The following SLC1A1 variants were observed in gnomAD, a reference collection of about 807,000 sequenced individuals.
SLC1A1 encodes solute carrier family 1 member 1, also known as excitatory amino acid transporter 3.
Under a neutral mutation model 53.3 loss-of-function variants are expected in SLC1A1, and 43 were observed. The observed-to-expected ratio is 0.81, with a 90% CI of 0.63 to 1.04. The LOEUF is 1.04. Among genes scored for constraint, SLC1A1 ranks in the 50% least tolerant of loss-of-function variants. The pLI, the probability that SLC1A1 is intolerant of heterozygous loss-of-function variation, is 0.00. For missense variants in SLC1A1, 748 were observed against 664.9 expected (o/e 1.12, Z -1.37); for synonymous variants, 307 against 243.2 (o/e 1.26, Z -2.44).
At chr9:4,531,829 AC>A (rs1387145346) in intron 1 of SLC1A1, among the ~76,000 whole-genome samples, 3 of 152,180 alleles carry the variant, frequency 2.0e-5, no homozygotes, top group Non-Finnish European at 2.9e-5. Context: ...CTGACACCTC[AC>A]ATGGCAGGGT....
intron 2 of SLC1A1, among the ~76,000 whole-genome samples, chr9:4,555,237 T>C (rs937688204): frequency 6.6e-6 from 1 of 152,016 alleles, no homozygotes; most frequent in African/African-American, 2.4e-5. Flanking sequence ...CAACAATGAG[T>C]TTCTTGGATG....
intron 1 of SLC1A1, among the ~76,000 whole-genome samples, chr9:4,500,327 G>C (rs963097474): frequency 6.6e-6 from 1 of 152,036 alleles, no homozygotes; most frequent in Non-Finnish European, 1.5e-5. Context: ...GTTTTATTTT[G>C]AGACAGAGTC....
At chr9:4,491,014 A>G (rs564436443) in intron 1 of SLC1A1, among the ~76,000 whole-genome samples, 13 of 152,102 alleles carry the variant, frequency 8.5e-5, no homozygotes, top group Non-Finnish European at 1.9e-4. Context: ...TTCCTGCTCT[A>G]CCCAAAATGA....
chr9:4,532,084 G>C (rs1183687514), intron 1 of SLC1A1, among the ~76,000 whole-genome samples: 1 of 152,120 alleles, frequency 6.6e-6, no homozygotes, highest in Admixed American at 6.5e-5. Context: ...ACCAAAGGTA[G>C]ATAAAACCAC....
intron 1 of SLC1A1, among the ~76,000 whole-genome samples, chr9:4,511,848 A>G (rs947890465): frequency 2.6e-5 from 4 of 152,234 alleles, no homozygotes; most frequent in African/African-American, 9.6e-5. Flanking sequence ...ATAAATTTTA[A>G]GACTAATAAG....
At position 4,556,165 on chromosome 9, in the gene SLC1A1, G is replaced by C. The variant is rs1818360719; in HGVS notation, c.233-5284G>C. The stretch of plus-strand genomic sequence containing the variant: ...CATCACACCCAGCAAATTTGTGTGT[G>C]TGTGTGGTTTTGTTTTTGTTTTTTT... On this transcript the variant is annotated intron_variant, in intron 2 of 11. Transcript: ENST00000262352. This position sits in a 1 kb window ranked among gnomAD's most constrained non-coding sequence, Gnocchi z 4.1. Among the ~76,000 whole-genome samples, 1 of 151,926 alleles carries C rather than the reference G, an allele frequency of 6.6e-6. No homozygotes were observed. The highest frequency in any genetic ancestry group is 1.5e-5 in the Non-Finnish European group (1 of 67,978).
intron 2 of SLC1A1, chr9:4,553,291 C>T (rs1044384238): frequency 2.6e-5 from 4 of 151,522 alleles, no homozygotes; most frequent in Non-Finnish European, 2.9e-5. Context: ...CAAATACCAC[C>T]GTGTTCCATA....
intron 2 of SLC1A1, among the ~76,000 whole-genome samples, chr9:4,548,240 A>G (rs1270296294): frequency 6.6e-6 from 1 of 152,128 alleles, no homozygotes; most frequent in Non-Finnish European, 1.5e-5. Context: ...ACCCTGAAGT[A>G]GTCTTCAGCC....
intron 10 of SLC1A1, 40 bp from the exon 11 acceptor site, chr9:4,582,998 G>C (rs375606221): frequency 1.9e-6 from 3 of 1,613,868 alleles, no homozygotes; most frequent in South Asian, 2.2e-5. Context: ...AACGGGAGAG[G>C]TAAGTGTCTA....
In SLC1A1 at chr9:4,551,028, T is replaced by C. The variant is rs142714182; in HGVS notation, c.232+6321T>C. Among the ~76,000 whole-genome samples the C allele has an allele frequency of 3.5e-3, 530 of 152,266 alleles. 3 individuals carry two copies. The highest frequency in any genetic ancestry group is 0.012 in the African/African-American group (504 of 41,546). On this transcript the variant is annotated intron_variant, in intron 2 of 11. Coordinates refer to ENST00000262352, the MANE Select transcript of SLC1A1 (RefSeq NM_004170.6). Reference sequence around the variant, plus strand: ...AGACTCTGACACTCCAGATGCAATCTAGTTGAGGTTGAATCCAGGTAACAA... The same window carrying C: ...AGACTCTGACACTCCAGATGCAATCCAGTTGAGGTTGAATCCAGGTAACAA...
At position 4,585,379 on chromosome 9, in the gene SLC1A1, T is replaced by G. The variant is rs202238490; in HGVS notation, c.1396T>G (p.Ser466Ala). The G allele has an allele frequency of 1.9e-6, 3 of 1,614,170 alleles. No individual in the cohort carries two copies. Among genetic ancestry groups the G allele is most frequent in the Middle Eastern group, 1.7e-4 (1 of 6,058 alleles). The change falls in exon 12 of 12, where the codon TCC (serine) becomes GCC (alanine). Residue 466 changes from serine (S) to alanine (A), a missense_variant. Physicochemically the swap from Ser to Ala is moderately conservative, Grantham distance 99. Transcript: ENST00000262352. ...TGGGACGGGCATTGTGGAAAAGCTC[T>G]CCAAGAAGGAGCTGGAGCAGATGGA... ...AFGTGIVEKLSKKELEQMDVS... is the reference protein window; with the variant it reads ...AFGTGIVEKLAKKELEQMDVS...
chr9:4,507,944 A>G (rs1383835634), intron 1 of SLC1A1, among the ~76,000 whole-genome samples: 1 of 152,138 alleles, frequency 6.6e-6, no homozygotes, highest in Non-Finnish European at 1.5e-5. Context: ...TGGCTATTGT[A>G]AAGAGGCAGT....
At chr9:4,565,034 A>T (rs1819345327) in intron 4 of SLC1A1, among the ~76,000 whole-genome samples, 2 of 152,210 alleles carry the variant, frequency 1.3e-5, no homozygotes, top group African/African-American at 4.8e-5. Flanking sequence ...ATCATCTGCA[A>T]TTTCCAGGTA....
intron 1 of SLC1A1, among the ~76,000 whole-genome samples, chr9:4,511,441 C>T (rs533294785): frequency 6.6e-6 from 1 of 152,208 alleles, no homozygotes; most frequent in African/African-American, 2.4e-5. Flanking sequence ...AGGGCCCCAC[C>T]TTCTAACACC....
intron 10 of SLC1A1, among the ~76,000 whole-genome samples, chr9:4,577,320 C>G (rs1820647642): frequency 6.6e-6 from 1 of 152,168 alleles, no homozygotes; most frequent in African/African-American, 2.4e-5. Flanking sequence ...TTACAGCATA[C>G]AGATTTCTTG....
chr9:4,505,051 T>TTTTTC (rs1820755310), intron 1 of SLC1A1, among the ~76,000 whole-genome samples: 1 of 139,590 alleles, frequency 7.2e-6, no homozygotes, highest in Non-Finnish European at 1.5e-5. Context: ...ATTTCTTTTT[T>TTTTTC]TTTTTTTTTT....
chr9:4,576,566 C>T lies in SLC1A1; in HGVS notation c.999-3C>T, dbSNP rs987350407. 6.2e-7 allele frequency: 1 copy of T among 1,612,842 alleles called. No homozygotes were observed. The highest frequency in any genetic ancestry group is 1.3e-5 in the African/African-American group (1 of 75,038). ...TAAGTTCCTTTCTATTTTTATCACA[C>T]AGTTCAGCAACACTGCCTGTCACCT... On this transcript the variant is annotated splice_region_variant and splice_polypyrimidine_tract_variant and intron_variant, in intron 9 of 11. Coordinates refer to ENST00000262352, the MANE Select transcript of SLC1A1 (RefSeq NM_004170.6).
chr9:4,565,805 C>T (rs1030622913), intron 4 of SLC1A1, among the ~76,000 whole-genome samples: 7 of 152,094 alleles, frequency 4.6e-5, no homozygotes, highest in South Asian at 4.1e-4. Context: ...CACCAAGGAG[C>T]GTAAGCATGT....
At chr9:4,543,624 T>C (rs1051482714) in intron 1 of SLC1A1, among the ~76,000 whole-genome samples, 3 of 152,210 alleles carry the variant, frequency 2.0e-5, no homozygotes, top group Admixed American at 1.3e-4. Flanking sequence ...AGACTTCATG[T>C]ACAAGGTACT....
Sources: gnomAD v4.1 joint callset for allele counts (sites outside exome capture counted in the v4.1 genomes callset) on GRCh38, gnomAD v4.1.1 for gene constraint, Gnocchi (gnomAD v3.1) non-coding constraint, MANE v1.5 for transcripts, NCBI Gene and HGNC (gene_info 2026-07-23, HGNC 2026-07-21) for gene names.